CELF2: variants seen among roughly 807,000 people sequenced by gnomAD.
CELF2 encodes the protein CUGBP Elav-like family member 2, also known as CUG triplet repeat RNA-binding protein 2.
In CELF2, 8 loss-of-function variants were observed where a neutral mutation model predicts 62.6. The ratio of observed to expected loss-of-function variants is 0.13; its 90% CI spans 0.07 to 0.23. The LOEUF (loss-of-function observed/expected upper bound fraction) is 0.23. CELF2 is among the 10% of genes least tolerant of loss of function. The pLI, the probability that CELF2 is intolerant of heterozygous loss-of-function variation, is 1.00. For synonymous variants in CELF2, 258 were observed against 250.0 expected (o/e 1.03, Z -0.30); for missense variants, 333 against 671.0 (o/e 0.50, Z 5.56).
At chr10:11,301,127 T>G (rs1461146697) in intron 9 of CELF2, among the ~76,000 whole-genome samples, 1 of 151,970 alleles carries the variant, frequency 6.6e-6, no homozygotes, top group Non-Finnish European at 1.5e-5. Flanking sequence ...AAGGGGAAAA[T>G]TCATATGGGA....
At chr10:11,023,515 A>G (rs971035811) in intron 1 of CELF2, among the ~76,000 whole-genome samples, 11 of 152,184 alleles carry the variant, frequency 7.2e-5, no homozygotes, top group East Asian at 5.8e-4. Flanking sequence ...GTTCCATCCA[A>G]TATCCTCATG....
intron 3 of CELF2, among the ~76,000 whole-genome samples, chr10:11,232,686 C>T (rs971022801): frequency 5.3e-5 from 8 of 152,158 alleles, no homozygotes; most frequent in Admixed American, 1.3e-4. Context: ...CAAGGACACA[C>T]CACGCTATAT....
At chr10:10,867,581 T>C (rs895160354) in intron 1 of CELF2, among the ~76,000 whole-genome samples, 28 of 152,208 alleles carry the variant, frequency 1.8e-4, no homozygotes, top group African/African-American at 6.5e-4. Flanking sequence ...TCATTTCTAT[T>C]ATCAAGCCTC....
At chr10:10,558,348 C>T in the CELF2 span, among the ~76,000 whole-genome samples, 49 of 151,180 alleles carry the variant, frequency 3.2e-4, no homozygotes, top group East Asian at 7.8e-4. Flanking sequence ...TATTGATTTG[C>T]GTATATTGAA....
At chr10:10,840,160 C>G (rs1301632673) in intron 1 of CELF2, among the ~76,000 whole-genome samples, 5 of 152,172 alleles carry the variant, frequency 3.3e-5, no homozygotes, top group African/African-American at 1.2e-4. Context: ...AATAAATCTG[C>G]TGTAAATATT....
intron 1 of CELF2, chr10:11,102,013 A>G (rs1175722756): frequency 1.3e-5 from 2 of 152,220 alleles, no homozygotes; most frequent in Admixed American, 1.3e-4. Flanking sequence ...TCTTTCATAT[A>G]GAAGCATCAT....
chr10:10,813,764 C>G (rs906464772), intron 1 of CELF2, among the ~76,000 whole-genome samples: 1 of 152,160 alleles, frequency 6.6e-6, no homozygotes, highest in East Asian at 1.9e-4. Context: ...TACAGTTTTA[C>G]AAAAACAGGT....
At chr10:10,775,558 A>G in the CELF2 span, among the ~76,000 whole-genome samples, 2 of 152,010 alleles carry the variant, frequency 1.3e-5, no homozygotes, top group Non-Finnish European at 2.9e-5. Flanking sequence ...CCCAGCAGGC[A>G]GAGGCTGTAG....
chr10:10,707,997 G>A, the CELF2 span, among the ~76,000 whole-genome samples: 1 of 152,076 alleles, frequency 6.6e-6, no homozygotes, highest in Non-Finnish European at 1.5e-5. Context: ...AGTTAAAATG[G>A]AACAACTTCA....
At position 10,934,884 on chromosome 10, in the gene CELF2, A is replaced by T. The variant is rs2066465851; in HGVS notation, c.89+14885A>T. 1.3e-5 allele frequency: 2 copies of T among 152,212 alleles called. No individual in the cohort carries two copies. The highest frequency in any genetic ancestry group is 4.8e-5 in the African/African-American group (2 of 41,444). 9.4% of individuals were successfully genotyped at this position (152,212 alleles called of 1,614,324 possible). A position where few individuals can be genotyped will look rare whatever the true frequency, so the allele number is the denominator to read the frequency against. On this transcript the variant is annotated intron_variant, in intron 2 of 13. Transcript: ENST00000636488. The surrounding 1 kb of genome is among the most constrained non-coding windows in gnomAD (Gnocchi z 4.4). ...GTGACATTCCCTGCTAAATTAGACAAGATGCAAATTTGATAGAGATTCCTT... is the reference window on the plus strand; with the variant it reads ...GTGACATTCCCTGCTAAATTAGACATGATGCAAATTTGATAGAGATTCCTT...
At chr10:10,964,767 C>T (rs1391819043) in intron 2 of CELF2, among the ~76,000 whole-genome samples, 1 of 151,794 alleles carries the variant, frequency 6.6e-6, no homozygotes, top group Non-Finnish European at 1.5e-5. Context: ...CATGCAGAAG[C>T]AGCGCAGCTC....
intron 2 of CELF2, among the ~76,000 whole-genome samples, chr10:10,968,762 G>A (rs189686718): frequency 1.3e-3 from 203 of 152,142 alleles, no homozygotes; most frequent in African/African-American, 4.7e-3. Context: ...ATCGTGGTGG[G>A]ACCATTGCTT....
At chr10:10,893,525 C>T (rs1327586847) in intron 1 of CELF2, among the ~76,000 whole-genome samples, 3 of 152,128 alleles carry the variant, frequency 2.0e-5, no homozygotes, top group Non-Finnish European at 4.4e-5. Context: ...CCAGAGCAAA[C>T]CCAGTCTAGG....
the CELF2 span, among the ~76,000 whole-genome samples, chr10:10,482,765 C>G: frequency 4.6e-5 from 7 of 152,120 alleles, no homozygotes; most frequent in African/African-American, 1.7e-4. Context: ...CCAACCACTC[C>G]AAAGCTCACA....
chr10:11,063,391 A>G (rs895288514), intron 1 of CELF2, among the ~76,000 whole-genome samples: 4 of 152,250 alleles, frequency 2.6e-5, no homozygotes. Flanking sequence ...TGACTTATCT[A>G]TAAAATCTCC....
intron 1 of CELF2, among the ~76,000 whole-genome samples, chr10:11,116,580 C>T (rs181331788): frequency 6.6e-6 from 1 of 152,192 alleles, no homozygotes. Context: ...TTGGCAAAAT[C>T]AGTTGGTGGT....
chr10:10,620,357 C>G, the CELF2 span, among the ~76,000 whole-genome samples: 3 of 149,888 alleles, frequency 2.0e-5, 1 homozygote, highest in East Asian at 6.0e-4. Flanking sequence ...GCAGGAGAAT[C>G]GCTTGAACCC....
rs913050570 is a variant in CELF2 at position 11,054,904 on chromosome 10, G to A, written c.74+36741G>A. 4.6e-5 allele frequency among the ~76,000 whole-genome samples: 7 copies of A among 152,216 alleles called. No individual in the cohort carries two copies. In the South Asian group the frequency reaches 1.2e-3, roughly 27 times the overall value. Reference sequence around the variant, plus strand: ...TACTTATTGTATTTTTAGTACAGATGGGGTTTCACTATGTTGGCCAGACTG... The same window carrying A: ...TACTTATTGTATTTTTAGTACAGATAGGGTTTCACTATGTTGGCCAGACTG... On this transcript the variant is annotated intron_variant, in intron 1 of 12. Coordinates refer to ENST00000633077, the MANE Select transcript of CELF2 (RefSeq NM_001326342.2).
chr10:11,189,807 C>T (rs181810666), intron 2 of CELF2, among the ~76,000 whole-genome samples: 2 of 152,334 alleles, frequency 1.3e-5, no homozygotes, highest in East Asian at 3.9e-4. Context: ...CCAGCACCAG[C>T]GATGGTATGC....
Sources: gnomAD v4.1 joint callset for allele counts (sites outside exome capture counted in the v4.1 genomes callset) on GRCh38, gnomAD v4.1.1 for gene constraint, Gnocchi (gnomAD v3.1) non-coding constraint, MANE v1.5 for transcripts, NCBI Gene and HGNC (gene_info 2026-07-23, HGNC 2026-07-21) for gene names.